The following SUPT3H variants were observed in gnomAD, a reference collection of about 807,000 sequenced individuals.
SUPT3H encodes transcription initiation protein SPT3 homolog.
A neutral mutation model predicts 44.3 loss-of-function variants in SUPT3H; 44 were observed. The observed-to-expected ratio is 0.99, with a 90% CI of 0.78 to 1.28. SUPT3H has a LOEUF of 1.28. Ranked by LOEUF, SUPT3H falls within the 50% of genes most tolerant of loss-of-function variation. The pLI, the probability that SUPT3H is intolerant of heterozygous loss-of-function variation, is 0.00. For synonymous variants in SUPT3H, 124 were observed against 125.6 expected (o/e 0.99, Z 0.09); for missense variants, 380 against 387.1 (o/e 0.98, Z 0.15).
chr6:45,020,545 C>G lies in SUPT3H; in HGVS notation c.273+1G>C, dbSNP rs950301739. 1.9e-6 allele frequency: 3 copies of G among 1,608,224 alleles called. No individual in the cohort carries two copies. Among genetic ancestry groups the G allele is most frequent in the Admixed American group, 1.7e-5 (1 of 59,696 alleles). On this transcript the variant is annotated splice_donor_variant, in intron 4 of 10. Coordinates refer to ENST00000371459, the MANE Select transcript of SUPT3H (RefSeq NM_003599.4). LOFTEE classifies it high-confidence loss of function. The stretch of plus-strand genomic sequence containing the variant: ...AATACAATAAAATTATGTTATATTA[C>G]CTTATCTTTGCGCATCAAAAACAGA...
At chr6:44,815,336 TA>T (rs1479861190) in intron 11 of SUPT3H, among the ~76,000 whole-genome samples, 3 of 152,200 alleles carry the variant, frequency 2.0e-5, no homozygotes, top group Non-Finnish European at 4.4e-5. Context: ...GATAAGATTG[TA>T]GATTTAAATG....
At chr6:44,838,109 T>A (rs1770258812) in intron 10 of SUPT3H, among the ~76,000 whole-genome samples, 1 of 152,218 alleles carries the variant, frequency 6.6e-6, no homozygotes, top group Non-Finnish European at 1.5e-5. Flanking sequence ...TAAAAAATTA[T>A]GACAAAAATC....
chr6:45,064,838 T>TA (rs1792939375), intron 3 of SUPT3H, among the ~76,000 whole-genome samples: 1 of 147,376 alleles, frequency 6.8e-6, no homozygotes, highest in African/African-American at 2.5e-5. Context: ...CAAAGAGACT[T>TA]AGACTCCCAC....
intron 2 of SUPT3H, among the ~76,000 whole-genome samples, chr6:45,209,428 T>G (rs2153629771): frequency 6.6e-6 from 1 of 152,310 alleles, no homozygotes; most frequent in Admixed American, 6.5e-5. Context: ...TGGAAGAAGC[T>G]GATTTCAGCG....
intron 2 of SUPT3H, among the ~76,000 whole-genome samples, chr6:45,219,428 C>T (rs1213151211): frequency 1.3e-5 from 2 of 151,842 alleles, no homozygotes; most frequent in East Asian, 1.9e-4. Flanking sequence ...AAATCACAAA[C>T]ACCAGGAATG....
Position 45,020,575 on chromosome 6 carries a change from C to G in SUPT3H, c.244G>C (p.Asp82His), listed in dbSNP as rs1784985088. 1 of 1,611,600 alleles carries G rather than the reference C, an allele frequency of 6.2e-7. No individual in the cohort carries two copies. Among genetic ancestry groups the G allele is most frequent in the African/African-American group, 1.3e-5 (1 of 74,938 alleles). Reference protein sequence around the residue: ...LRGARVITPEDLLFLMRKDKK... With the variant: ...LRGARVITPEHLLFLMRKDKK... ...TCTTTGCGCATCAAAAACAGAAGAT[C>G]TTCAGGAGTGATTACCCTTGCTCCC... The change falls in exon 4 of 11, where the codon GAT becomes CAT. Residue 82 changes from aspartate to histidine, a missense_variant. Physicochemically the swap from Asp to His is moderately conservative, Grantham distance 81 (BLOSUM62 -1). Coordinates refer to ENST00000371459, the MANE Select transcript of SUPT3H (RefSeq NM_003599.4).
At chr6:45,170,755 T>C (rs996689850) in intron 2 of SUPT3H, among the ~76,000 whole-genome samples, 1 of 152,216 alleles carries the variant, frequency 6.6e-6, no homozygotes, top group African/African-American at 2.4e-5. Context: ...ACAATTACTT[T>C]TACTTCCATA....
intron 10 of SUPT3H, among the ~76,000 whole-genome samples, chr6:44,881,359 T>C (rs1056570065): frequency 1.3e-5 from 2 of 152,082 alleles, no homozygotes. Context: ...ATATATGCAC[T>C]CAATACTGGA....
At chr6:44,901,884 A>G (rs1305813386) in intron 10 of SUPT3H, among the ~76,000 whole-genome samples, 1 of 152,222 alleles carries the variant, frequency 6.6e-6, no homozygotes, top group Non-Finnish European at 1.5e-5. Context: ...TTCTTAAAGA[A>G]AAGGATTTTC....
chr6:44,941,752 T>C (rs1365085466), intron 9 of SUPT3H, among the ~76,000 whole-genome samples: 3 of 152,178 alleles, frequency 2.0e-5, no homozygotes, highest in Non-Finnish European at 2.9e-5. Context: ...GATATAACTA[T>C]ACATCAAATT....
At chr6:45,284,945 A>T (rs574661970) in intron 2 of SUPT3H, among the ~76,000 whole-genome samples, 1 of 152,336 alleles carries the variant, frequency 6.6e-6, no homozygotes, top group East Asian at 1.9e-4. Context: ...AACATACACA[A>T]ATCAATAAAT....
intron 10 of SUPT3H, among the ~76,000 whole-genome samples, chr6:44,880,249 G>GA (rs1778003483): frequency 6.6e-6 from 1 of 152,028 alleles, no homozygotes; most frequent in South Asian, 2.1e-4. Context: ...TGATAGAGCT[G>GA]AAAAACACAG....
At chr6:44,927,619 G>A (rs991128631) in intron 10 of SUPT3H, among the ~76,000 whole-genome samples, 5 of 151,950 alleles carry the variant, frequency 3.3e-5, no homozygotes, top group Non-Finnish European at 7.4e-5. Context: ...GCAAAAAATC[G>A]GGTGGTAAGT....
At chr6:45,282,490 T>C (rs1424508382) in intron 2 of SUPT3H, among the ~76,000 whole-genome samples, 1 of 152,044 alleles carries the variant, frequency 6.6e-6, no homozygotes, top group African/African-American at 2.4e-5. Flanking sequence ...GTATCAGTGA[T>C]GGAAGATCAA....
intron 11 of SUPT3H, among the ~76,000 whole-genome samples, chr6:44,811,961 C>G (rs1464679527): frequency 6.6e-6 from 1 of 151,928 alleles, no homozygotes; most frequent in Admixed American, 6.6e-5. Flanking sequence ...ATCCTCATCC[C>G]ATAGTACACA....
chr6:45,191,116 C>A (rs1353382632), intron 2 of SUPT3H, among the ~76,000 whole-genome samples: 1 of 152,020 alleles, frequency 6.6e-6, no homozygotes, highest in African/African-American at 2.4e-5. Context: ...AACCTACACA[C>A]AAATGTTTAT....
intron 2 of SUPT3H, among the ~76,000 whole-genome samples, chr6:45,327,932 C>G (rs1459116775): frequency 6.6e-6 from 1 of 151,870 alleles, no homozygotes; most frequent in Non-Finnish European, 1.5e-5. Context: ...CATTTTTCCA[C>G]AGACACAATA....
chr6:45,249,523 C>T (rs1003898257), intron 2 of SUPT3H, among the ~76,000 whole-genome samples: 6 of 151,868 alleles, frequency 4.0e-5, no homozygotes, highest in Admixed American at 6.6e-5. Context: ...AAAGCACACC[C>T]GATGAAATAG....
At chr6:45,193,098 C>T (rs1815406125) in intron 2 of SUPT3H, among the ~76,000 whole-genome samples, 1 of 151,990 alleles carries the variant, frequency 6.6e-6, no homozygotes, top group Admixed American at 6.6e-5. Flanking sequence ...AAGTAAGATT[C>T]GTTAAGGGAC....
Sources: gnomAD v4.1 joint callset for allele counts (sites outside exome capture counted in the v4.1 genomes callset) on GRCh38, gnomAD v4.1.1 for gene constraint, MANE v1.5 for transcripts, NCBI Gene and HGNC (gene_info 2026-07-23, HGNC 2026-07-21) for gene names.